Variants in PDGFRA observed in about 807,000 individuals in gnomAD.
PDGFRA encodes platelet derived growth factor receptor alpha, also known as platelet-derived growth factor receptor alpha.
PDGFRA carries 25 observed loss-of-function variants against 121.5 expected under a neutral mutation model. The observed-to-expected ratio is 0.21, with a 90% CI of 0.15 to 0.29. PDGFRA has a LOEUF of 0.29. PDGFRA is among the 10% of genes least tolerant of loss of function. PDGFRA has a pLI of 1.00. For synonymous variants in PDGFRA, 463 were observed against 494.8 expected (o/e 0.94, Z 0.85); for missense variants, 1,008 against 1,345.1 (o/e 0.75, Z 3.92).
In PDGFRA at chr4:54,239,882, G is replaced by A. The variant is rs559652501; in HGVS notation, c.-13+10467G>A. On this transcript the variant is annotated intron_variant, in intron 1 of 22. Transcript: ENST00000257290. ...TATTTATTTTTAGAGATAGCATCTC[G>A]CTGTGTTGCCCAGGCTGGAGTGCAG... is the stretch of plus-strand genomic sequence containing the variant. Among the ~76,000 whole-genome samples the A allele has an allele frequency of 1.1e-3, 163 of 151,894 alleles. 1 individual carries two copies. Among genetic ancestry groups the A allele is most frequent in the Middle Eastern group, 6.8e-3 (2 of 294 alleles).
rs567781780 is a variant in PDGFRA, at chr4:54,232,337, C to G, written c.-13+2922C>G. 5.9e-5 allele frequency among the ~76,000 whole-genome samples: 9 copies of G among 152,282 alleles called. No individual in the cohort carries two copies. The South Asian group carries it at 6.2e-4, about 11-fold the overall frequency. On this transcript the variant is annotated intron_variant, in intron 1 of 22. Transcript: ENST00000257290. ...AATTCGGGTTCTGCCAGATGGTTGT[C>G]GTTTGCTGAAGTGGCTCGGCGGCAT...
chr4:54,283,969 T>C (rs1724190894), intron 16 of PDGFRA, among the ~76,000 whole-genome samples: 1 of 152,212 alleles, frequency 6.6e-6, no homozygotes, highest in South Asian at 2.1e-4. Context: ...GACTGTAGGC[T>C]ATTGGAAGCA....
At chr4:54,241,798 C>G (rs1721315643) in intron 1 of PDGFRA, among the ~76,000 whole-genome samples, 1 of 152,118 alleles carries the variant, frequency 6.6e-6, no homozygotes, top group Non-Finnish European at 1.5e-5. Context: ...ATCCACCCAC[C>G]TTGGCCTCCC....
chr4:54,277,859 C>G (rs1175112531), intron 13 of PDGFRA, 37 bp from the exon 14 acceptor site: 1 of 1,361,568 alleles, frequency 7.3e-7, no homozygotes, highest in Non-Finnish European at 1.1e-6. Flanking sequence ...AAGTTGGTAG[C>G]TCAGCTGGAC....
intron 1 of PDGFRA, among the ~76,000 whole-genome samples, chr4:54,238,952 G>GAC (rs1721153223): frequency 1.3e-5 from 2 of 152,064 alleles, no homozygotes; most frequent in South Asian, 4.2e-4. Context: ...CAGCCTGGGT[G>GAC]ATGGAATAAG....
chr4:54,258,582 T>C (rs1280608110), intron 1 of PDGFRA, among the ~76,000 whole-genome samples, 175 bp from the exon 2 acceptor site: 4 of 152,186 alleles, frequency 2.6e-5, no homozygotes, highest in Admixed American at 2.6e-4. Context: ...TGGGGCCCCA[T>C]TGATTCTTTC....
intron 2 of PDGFRA, among the ~76,000 whole-genome samples, chr4:54,260,782 T>C (rs937758416): frequency 6.6e-6 from 1 of 152,126 alleles, no homozygotes; most frequent in African/African-American, 2.4e-5. Context: ...CTTGAGCCCG[T>C]GCCATCTTGG....
At chr4:54,278,947 CA>C (rs1723914290) in intron 15 of PDGFRA, 1 of 438,300 alleles carries the variant, frequency 2.3e-6, no homozygotes, top group Admixed American at 2.5e-5. Context: ...CAGAAATCTA[CA>C]AGTGGCTATA....
chr4:54,247,352 AT>A (rs1231830942), intron 1 of PDGFRA, among the ~76,000 whole-genome samples: 4 of 152,224 alleles, frequency 2.6e-5, no homozygotes, highest in African/African-American at 9.6e-5. Context: ...CCAGCAGCAC[AT>A]CAAAAAGCTT....
intron 1 of PDGFRA, among the ~76,000 whole-genome samples, chr4:54,232,238 C>T (rs1261184896): frequency 6.6e-6 from 1 of 152,242 alleles, no homozygotes; most frequent in Non-Finnish European, 1.5e-5. Flanking sequence ...CTTGGGGCGG[C>T]AGATAATCTT....
chr4:54,241,524 T>C (rs1340434861), intron 1 of PDGFRA, among the ~76,000 whole-genome samples: 2 of 150,660 alleles, frequency 1.3e-5, no homozygotes, highest in African/African-American at 4.9e-5. Flanking sequence ...AATTTATTTA[T>C]TTATTTATTT....
intron 10 of PDGFRA, among the ~76,000 whole-genome samples, 182 bp downstream of exon 10, chr4:54,273,912 T>C (rs1560479429): frequency 1.3e-5 from 2 of 152,250 alleles, no homozygotes; most frequent in Non-Finnish European, 2.9e-5. Flanking sequence ...GACAGAGTTT[T>C]GCTCTGTGGC....
intron 15 of PDGFRA, among the ~76,000 whole-genome samples, chr4:54,279,218 C>T (rs1279638691): frequency 2.6e-5 from 4 of 152,184 alleles, no homozygotes; most frequent in Non-Finnish European, 5.9e-5. Context: ...GGAGCACAGC[C>T]CCACTGTCTT....
chr4:54,289,409 G>A (rs1004193439), intron 21 of PDGFRA, among the ~76,000 whole-genome samples: 1 of 152,134 alleles, frequency 6.6e-6, no homozygotes, highest in Non-Finnish European at 1.5e-5. Flanking sequence ...GGGCATCCAT[G>A]GCCATTACAT....
intron 12 of PDGFRA, among the ~76,000 whole-genome samples, chr4:54,275,587 T>C (rs1055186735): frequency 2.6e-5 from 4 of 152,148 alleles, no homozygotes; most frequent in African/African-American, 4.8e-5. Flanking sequence ...CAAATGAAAG[T>C]AGAGGTAGAG....
chr4:54,239,084 C>A (rs766494609), intron 1 of PDGFRA, among the ~76,000 whole-genome samples: 2 of 152,212 alleles, frequency 1.3e-5, no homozygotes, highest in Non-Finnish European at 2.9e-5. Context: ...CTGGTCATCC[C>A]TACTGCTTAT....
intron 22 of PDGFRA, among the ~76,000 whole-genome samples, chr4:54,292,067 G>C (rs1473530273): frequency 2.6e-5 from 4 of 152,230 alleles, no homozygotes; most frequent in Non-Finnish European, 4.4e-5. Context: ...TACAATGTTG[G>C]TTGGAGTGTA....
At chr4:54,264,277 A>G in intron 4 of PDGFRA, 1 of 406,436 alleles carries the variant, frequency 2.5e-6, no homozygotes, top group Non-Finnish European at 4.4e-6. Flanking sequence ...GATTAATTTT[A>G]GTAACTTAAG....
intron 16 of PDGFRA, 73 bp from the exon 17 acceptor site, chr4:54,285,298 T>C (rs1416125766): frequency 7.7e-6 from 6 of 779,472 alleles, no homozygotes; most frequent in Admixed American, 1.7e-5. Flanking sequence ...GATGTGTTCT[T>C]TGGGCATGCC....
Sources: gnomAD v4.1 joint callset for allele counts (sites outside exome capture counted in the v4.1 genomes callset) on GRCh38, gnomAD v4.1.1 for gene constraint, MANE v1.5 for transcripts, NCBI Gene and HGNC (gene_info 2026-07-23, HGNC 2026-07-21) for gene names.